DIP2C: variants seen among roughly 807,000 people sequenced by gnomAD.
DIP2C encodes the protein DIP2 acetate--CoA ligase C (putative).
In DIP2C, 33 loss-of-function variants were observed where a neutral mutation model predicts 192.4. The observed-to-expected ratio is 0.17, with a 90% CI of 0.13 to 0.23. The LOEUF (loss-of-function observed/expected upper bound fraction) is 0.23, where lower values mean the gene tolerates loss of function less well. Ranked by LOEUF, DIP2C falls within the 10% of genes least tolerant of loss-of-function variation. The pLI, the probability that DIP2C is intolerant of heterozygous loss-of-function variation, is 1.00. For synonymous variants in DIP2C, 979 were observed against 864.1 expected, an observed-to-expected ratio of 1.13 and a Z score of -2.33; for missense variants, 1,537 against 2,110.1, an observed-to-expected ratio of 0.73 and a Z score of 5.32.
At chr10:449,236 G>T (rs930483627) in intron 3 of DIP2C, among the ~76,000 whole-genome samples, 3 of 152,184 alleles carry the variant, frequency 2.0e-5, no homozygotes, top group Non-Finnish European at 4.4e-5. Flanking sequence ...ATACTCAGCG[G>T]CATCCTTTAC....
chr10:659,010 C>T (rs542068611), intron 1 of DIP2C, among the ~76,000 whole-genome samples: 5 of 152,222 alleles, frequency 3.3e-5, no homozygotes, highest in Admixed American at 2.6e-4. Context: ...CACACATTCA[C>T]ACATGCACAC....
chr10:357,688 GGTTGCGGACAGTCAGACACT>G (rs1959151446), intron 23 of DIP2C, 120 bp downstream of exon 23: 7 of 600,312 alleles, frequency 1.2e-5, no homozygotes, highest in African/African-American at 1.9e-5. Flanking sequence ...TGTCGGGGAC[GGTTGCGGACAGTCAGACACT>G]GTCGCGGACT....
chr10:283,831 T>C (rs902921200), intron 34 of DIP2C, among the ~76,000 whole-genome samples: 1 of 152,182 alleles, frequency 6.6e-6, no homozygotes, highest in Non-Finnish European at 1.5e-5. Context: ...AGCTTTGAGA[T>C]TTCTTTTCTC....
intron 4 of DIP2C, among the ~76,000 whole-genome samples, chr10:423,799 C>T (rs375536410): frequency 3.3e-5 from 5 of 152,168 alleles, no homozygotes; most frequent in Non-Finnish European, 7.3e-5. Context: ...GAAAGCAGAA[C>T]GTGCCTCACG....
chr10:294,609 A>G (rs1235431024), intron 32 of DIP2C, among the ~76,000 whole-genome samples: 1 of 152,062 alleles, frequency 6.6e-6, no homozygotes, highest in Non-Finnish European at 1.5e-5. Context: ...AGAAAAAAAA[A>G]AAAGAGAAGA....
chr10:480,720 G>A (rs1233206418), intron 2 of DIP2C, among the ~76,000 whole-genome samples: 1 of 152,216 alleles, frequency 6.6e-6, no homozygotes, highest in Non-Finnish European at 1.5e-5. Flanking sequence ...ATTAAATGTT[G>A]CTGAAAAGAC....
intron 1 of DIP2C, among the ~76,000 whole-genome samples, chr10:593,285 A>AG (rs570017754): frequency 1.8e-3 from 278 of 152,272 alleles, no homozygotes; most frequent in African/African-American, 5.0e-3. Flanking sequence ...ATCTGACTTC[A>AG]GAGCCTGCAA....
intron 1 of DIP2C, among the ~76,000 whole-genome samples, chr10:623,561 G>C (rs1359583613): frequency 2.6e-4 from 21 of 80,464 alleles, no homozygotes; most frequent in South Asian, 2.2e-3. Context: ...CTGAGGGGAG[G>C]AGGGGAGGGA....
intron 1 of DIP2C, among the ~76,000 whole-genome samples, chr10:579,745 A>G (rs971795556): frequency 6.6e-6 from 1 of 152,104 alleles, no homozygotes; most frequent in South Asian, 2.1e-4. Context: ...ACATAGGTAC[A>G]CTATAATGTA....
intron 28 of DIP2C, among the ~76,000 whole-genome samples, chr10:344,432 C>T (rs1017700477): frequency 3.3e-5 from 5 of 151,844 alleles, no homozygotes; most frequent in East Asian, 1.9e-4. Flanking sequence ...TCGGCAAGGG[C>T]GGCATCTGAG....
rs1416114719 is a variant in DIP2C, at chr10:327,084, C to T, written c.3846G>A (p.Leu1282=). The T allele has an allele frequency of 1.9e-6, 3 of 1,614,092 alleles. 1 individual carries two copies. Among genetic ancestry groups the T allele is most frequent in the South Asian group, 2.2e-5 (2 of 91,094 alleles). The stretch of plus-strand genomic sequence containing the variant: ...GCGGGTGAAGGCCCAGGTCCTTAAA[C>T]AGCTTTGAGAACGACTGTGTGAGTG... ...RIALTQSFSK[L]FKDLGLHPRA... is the part of the protein sequence containing the mutation. The change falls in exon 31 of 37, where the codon CTG becomes CTA. Residue 1282 remains leucine (L), a synonymous_variant. Transcript: ENST00000280886.
At chr10:678,838 T>G (rs1293553400) in intron 1 of DIP2C, among the ~76,000 whole-genome samples, 8 of 94,308 alleles carry the variant, frequency 8.5e-5, no homozygotes, top group African/African-American at 2.0e-4. Context: ...CCCACACCCG[T>G]GCTCCCCGCA....
At chr10:317,461 G>C (rs1027573850) in intron 31 of DIP2C, among the ~76,000 whole-genome samples, 1 of 152,236 alleles carries the variant, frequency 6.6e-6, no homozygotes, top group Non-Finnish European at 1.5e-5. Flanking sequence ...GCGTGGGAAG[G>C]CTTTAGTTTA....
intron 29 of DIP2C, among the ~76,000 whole-genome samples, chr10:335,233 T>C (rs1957704485): frequency 6.6e-6 from 1 of 152,196 alleles, no homozygotes; most frequent in Non-Finnish European, 1.5e-5. Flanking sequence ...TTTCAAACAA[T>C]CACAAAGTTA....
At chr10:613,679 C>T (rs774587375) in intron 1 of DIP2C, among the ~76,000 whole-genome samples, 22 of 152,176 alleles carry the variant, frequency 1.4e-4, no homozygotes, top group Non-Finnish European at 2.9e-4. Context: ...TGGCAGATTC[C>T]TGAGAATGGA....
At chr10:349,014 C>T (rs1012506158) in intron 25 of DIP2C, among the ~76,000 whole-genome samples, 57 of 152,176 alleles carry the variant, frequency 3.7e-4, no homozygotes, top group African/African-American at 1.4e-3. Context: ...GAATTACCCA[C>T]CTTTGTAACT....
chr10:506,194 G>A (rs894644149), intron 1 of DIP2C, among the ~76,000 whole-genome samples: 1 of 152,136 alleles, frequency 6.6e-6, no homozygotes, highest in African/African-American at 2.4e-5. Context: ...TGCAGCTGGA[G>A]AGAGATGCCT....
chr10:340,226 T>C (rs1463962791), intron 29 of DIP2C, among the ~76,000 whole-genome samples: 4 of 151,846 alleles, frequency 2.6e-5, no homozygotes, highest in Non-Finnish European at 5.9e-5. Flanking sequence ...GAGAAAATCA[T>C]AACCAATTTC....
At chr10:441,411 C>T (rs1967720985) in intron 3 of DIP2C, among the ~76,000 whole-genome samples, 1 of 152,158 alleles carries the variant, frequency 6.6e-6, no homozygotes. Context: ...CAGCCACAGG[C>T]CAGGACTGTG....
Sources: gnomAD v4.1 joint callset for allele counts (sites outside exome capture counted in the v4.1 genomes callset) on GRCh38, gnomAD v4.1.1 for gene constraint, MANE v1.5 for transcripts, NCBI Gene and HGNC (gene_info 2026-07-23, HGNC 2026-07-21) for gene names.